CLCA1: variants seen among roughly 807,000 people sequenced by gnomAD.
The protein encoded by CLCA1 is calcium-activated chloride channel regulator 1.
In CLCA1, 59 loss-of-function variants were observed where a neutral mutation model predicts 85.6. The ratio of observed to expected loss-of-function variants is 0.69; its 90% CI spans 0.56 to 0.86. The LOEUF (loss-of-function observed/expected upper bound fraction) is 0.86. Among genes scored for constraint, CLCA1 ranks in the 40% least tolerant of loss-of-function variants. The pLI, the probability that CLCA1 is intolerant of heterozygous loss-of-function variation, is 0.00. For synonymous variants in CLCA1, 396 were observed against 398.3 expected, an observed-to-expected ratio of 0.99 and a Z score of 0.07; for missense variants, 1,022 against 1,101.4, an observed-to-expected ratio of 0.93 and a Z score of 1.02.
chr1:86,493,489 AT>A lies in CLCA1; in HGVS notation c.1571del (p.Met524SerfsTer20). 2 of 1,614,104 alleles carry A rather than the reference AT, an allele frequency of 1.2e-6. No individual in the cohort carries two copies. The highest frequency in any genetic ancestry group is 1.7e-6 in the Non-Finnish European group (2 of 1,179,966). Reference sequence around the variant, plus strand: ...CACTTTGTTTCTTATCACCTGGACAATGCAGCCTCCCCAAATCCTTCTCTGG... The same window carrying A: ...CACTTTGTTTCTTATCACCTGGACAAGCAGCCTCCCCAAATCCTTCTCTGG... Reference protein sequence around the residue: ...KDTLFLITWTMQPPQILLWDP... With the variant: ...KDTLFLITWTXQPPQILLWDP... On this transcript the variant is annotated frameshift_variant, in exon 10 of 14. Transcript: ENST00000394711. LOFTEE classifies it high-confidence loss of function.
rs1157338485 is a variant in CLCA1 at position 86,491,337 on chromosome 1, CA to C, written c.1431del (p.Gly478GlufsTer17). The C allele has an allele frequency of 1.2e-6, 2 of 1,613,352 alleles. No individual in the cohort carries two copies. The highest frequency in any genetic ancestry group is 1.7e-6 in the Non-Finnish European group (2 of 1,179,452). Reference sequence around the variant, plus strand: ...ATTGATGCTTTTGGGGCCCTTTCATCAGGAAATGGAGCTGTCTCTCAGCGCT... The same window carrying C: ...ATTGATGCTTTTGGGGCCCTTTCATCGGAAATGGAGCTGTCTCTCAGCGCT... The part of the protein sequence containing the change: ...GLIDAFGALS[S>X]GNGAVSQRSI... On this transcript the variant is annotated frameshift_variant, in exon 9 of 14. Transcript: ENST00000394711. LOFTEE classifies it high-confidence loss of function.
At position 86,473,713 on chromosome 1, in the gene CLCA1, T is replaced by G; in HGVS notation, c.304-16T>G. ...CTGAAACTTTGTGATGATAGAAACT[T>G]TTTCTTAAATTTCAGGCTGATGTTC... On this transcript the variant is annotated splice_polypyrimidine_tract_variant and intron_variant, in intron 2 of 13. Transcript: ENST00000394711. The G allele has an allele frequency of 6.4e-7, 1 of 1,558,884 alleles. No individual in the cohort carries two copies. The highest frequency in any genetic ancestry group is 8.7e-7 in the Non-Finnish European group (1 of 1,152,654).
chr1:86,498,858 G>T (rs1223258336), intron 13 of CLCA1, 47 bp downstream of exon 13: 1 of 1,576,146 alleles, frequency 6.3e-7, no homozygotes, highest in Non-Finnish European at 8.6e-7. Context: ...TACCAGCCAA[G>T]TAGAAGAGCA....
At chr1:86,493,936 T>C (rs1428280647) in intron 10 of CLCA1, among the ~76,000 whole-genome samples, 2 of 152,126 alleles carry the variant, frequency 1.3e-5, no homozygotes. Context: ...AAGGCAACAA[T>C]AAGCATATAG....
rs1470520415 is a variant in CLCA1 at position 86,491,310 on chromosome 1, T to C, written c.1403T>C (p.Leu468Pro). ...YASDQVQNNG[L>P]IDAFGALSSG... ...TCAGATCAAGTTCAGAACAATGGCC[T>C]CATTGATGCTTTTGGGGCCCTTTCA... The change falls in exon 9 of 14, where the codon CTC becomes CCC. Residue 468 changes from leucine (L) to proline (P), a missense_variant. Physicochemically the swap from Leu to Pro is moderately conservative, Grantham distance 98. Transcript: ENST00000394711. 6.2e-7 allele frequency: 1 copy of C among 1,613,598 alleles called. No individual in the cohort carries two copies. Among genetic ancestry groups the C allele is most frequent in the Non-Finnish European group, 8.5e-7 (1 of 1,179,718 alleles).
At chr1:86,489,289 A>T in intron 8 of CLCA1, 119 bp downstream of exon 8, 2 of 899,864 alleles carry the variant, frequency 2.2e-6, no homozygotes, top group Non-Finnish European at 3.3e-6. Flanking sequence ...TAATTGGCTA[A>T]CTAGCCACCC....
chr1:86,473,385 A>C (rs779290264), intron 1 of CLCA1, 32 bp from the exon 2 acceptor site: 4 of 1,466,674 alleles, frequency 2.7e-6, no homozygotes, highest in Non-Finnish European at 3.7e-6. Context: ...ATTTTCAGTC[A>C]ATTGTTACGT....
chr1:86,482,650 A>G (rs1368133447), intron 5 of CLCA1, among the ~76,000 whole-genome samples: 1 of 152,218 alleles, frequency 6.6e-6, no homozygotes, highest in Admixed American at 6.5e-5. Flanking sequence ...TCACAAAGGC[A>G]TACAAGCACA....
At position 86,479,682 on chromosome 1, in the gene CLCA1, G is replaced by A. The variant is rs1006853968; in HGVS notation, c.558-2523G>A. On this transcript the variant is annotated intron_variant, in intron 4 of 13. Coordinates refer to ENST00000394711, the MANE Select transcript of CLCA1 (RefSeq NM_001285.4). ...AGGCAGATCACAAGGTCAGGAGATC[G>A]AGACCATCCTGGCTAACACAGTGAA... Among the ~76,000 whole-genome samples, 12 of 152,262 alleles carry A rather than the reference G, an allele frequency of 7.9e-5. No homozygotes were observed. The East Asian group carries it at 1.7e-3, about 22-fold the overall frequency.
chr1:86,489,475 G>T (rs1648077754), intron 8 of CLCA1, among the ~76,000 whole-genome samples: 1 of 152,172 alleles, frequency 6.6e-6, no homozygotes, highest in Non-Finnish European at 1.5e-5. Context: ...GAGACCTAGG[G>T]GAGACAGATG....
chr1:86,478,751 C>A (rs531471385), intron 4 of CLCA1, among the ~76,000 whole-genome samples: 1 of 152,258 alleles, frequency 6.6e-6, no homozygotes, highest in African/African-American at 2.4e-5. Context: ...ATTTTTCTTT[C>A]GACAGATAAG....
rs1648421990 is a variant in CLCA1, at chr1:86,500,242, A to G, written c.*197A>G. On this transcript the variant is annotated 3_prime_UTR_variant, in exon 14 of 14. Coordinates refer to ENST00000394711, the MANE Select transcript of CLCA1 (RefSeq NM_001285.4). ...TTCCTGTAGGGGGCGATAAAATAAA[A>G]TGCTAAACAACTGGGTATACATGCA... 5 of 496,348 alleles carry G rather than the reference A, an allele frequency of 1.0e-5. No individual in the cohort carries two copies. In the South Asian group the frequency reaches 1.5e-4, roughly 15 times the overall value. The allele number at this position is 496,348 out of a possible 1,614,324, so 30.7% of individuals were successfully genotyped here.
chr1:86,479,442 G>A (rs553749304), intron 4 of CLCA1, among the ~76,000 whole-genome samples: 17 of 152,160 alleles, frequency 1.1e-4, no homozygotes, highest in African/African-American at 2.9e-4. Context: ...TTTATGAAAC[G>A]CTAATCAAAA....
In CLCA1 at chr1:86,500,095, G is replaced by T. The variant is rs772712238; in HGVS notation, c.*50G>T. 90 of 1,327,118 alleles carry T rather than the reference G, an allele frequency of 6.8e-5. 1 individual carries two copies. Among genetic ancestry groups the T allele is most frequent in the Non-Finnish European group, 8.6e-5 (82 of 959,044 alleles). The allele number at this position is 1,327,118 out of a possible 1,614,324, so 82.2% of individuals were successfully genotyped here. ...AAATAAATCATTCATCCTTTTTTTT[G>T]ATTATAAAATTTTCTAAAATGTATT... On this transcript the variant is annotated 3_prime_UTR_variant, in exon 14 of 14. Coordinates refer to ENST00000394711, the MANE Select transcript of CLCA1 (RefSeq NM_001285.4).
Position 86,486,724 on chromosome 1 carries a change from A to C in CLCA1, c.1153A>C (p.Ile385Leu). 1 of 1,614,242 alleles carries C rather than the reference A, an allele frequency of 6.2e-7. No homozygotes were observed. The highest frequency in any genetic ancestry group is 8.5e-7 in the Non-Finnish European group (1 of 1,180,042). ...LPAAASGGTS[I>L]CSGLRSAFTV... ...TGCAGCAGCTTCAGGAGGGACGTCCATCTGCAGCGGGCTTCGATCGGCATT... is the reference window on the plus strand; with the variant it reads ...TGCAGCAGCTTCAGGAGGGACGTCCCTCTGCAGCGGGCTTCGATCGGCATT... The change falls in exon 7 of 14, where the codon ATC (isoleucine) becomes CTC (leucine). Residue 385 changes from isoleucine to leucine, a missense_variant. Physicochemically the swap from Ile to Leu is conservative, Grantham distance 5. Transcript: ENST00000394711.
rs1320694312 is a variant in CLCA1, at chr1:86,494,423, C to G, written c.1917C>G (p.Thr639=). ...AATCAGTGAATGGAAAAACAGTTAC[C>G]TTGGAACTACTGGATAATGGAGCAG... ...LIESVNGKTV[T]LELLDNGAGA... Residue 639 remains threonine (T), a synonymous_variant, in exon 11 of 14, where the codon ACC becomes ACG. Transcript: ENST00000394711. 1 of 1,614,164 alleles carries G rather than the reference C, an allele frequency of 6.2e-7. No homozygotes were observed. The highest frequency in any genetic ancestry group is 8.5e-7 in the Non-Finnish European group (1 of 1,180,018).
intron 4 of CLCA1, among the ~76,000 whole-genome samples, chr1:86,479,108 T>C (rs567121768): frequency 6.1e-4 from 93 of 152,346 alleles, no homozygotes; most frequent in African/African-American, 2.1e-3. Context: ...GTTATGCAGA[T>C]GATCTGTGAT....
intron 8 of CLCA1, among the ~76,000 whole-genome samples, chr1:86,489,776 G>C (rs1306096417): frequency 1.3e-5 from 2 of 152,174 alleles, no homozygotes; most frequent in African/African-American, 2.4e-5. Flanking sequence ...TAGCAGAGTA[G>C]GTGAACACAT....
In CLCA1 at chr1:86,494,169, T is replaced by G; in HGVS notation, c.1681-18T>G. 1 of 1,613,298 alleles carries G rather than the reference T, an allele frequency of 6.2e-7. No individual in the cohort carries two copies. The highest frequency in any genetic ancestry group is 8.5e-7 in the Non-Finnish European group (1 of 1,179,252). ...CCTGAAGTTATTCATTGGAAATGTT[T>G]ACATGTGTTTTGGTCAGGTTGGCAC... On this transcript the variant is annotated intron_variant, in intron 10 of 13. Transcript: ENST00000394711.
Sources: allele counts gnomAD v4.1 joint callset (sites outside exome capture counted in the v4.1 genomes callset), GRCh38; gene constraint gnomAD v4.1.1; transcripts MANE v1.5; gene names NCBI Gene and HGNC (gene_info 2026-07-23, HGNC 2026-07-21).